Variants in CNTN6 observed in about 807,000 individuals in gnomAD.
CNTN6 encodes the protein contactin 6.
CNTN6 carries 137 observed loss-of-function variants against 122.8 expected under a neutral mutation model. The ratio of observed to expected loss-of-function variants is 1.12; its 90% CI spans 0.97 to 1.29. The LOEUF is 1.29. Ranked by LOEUF, CNTN6 falls within the 50% of genes most tolerant of loss-of-function variation. The pLI, the probability that CNTN6 is intolerant of heterozygous loss-of-function variation, is 0.00. For missense variants in CNTN6, 1,634 were observed against 1,223.4 expected (o/e 1.34, Z -5.01); for synonymous variants, 570 against 426.0 (o/e 1.34, Z -4.16).
chr3:1,377,265 C>T (rs140060084), intron 17 of CNTN6, among the ~76,000 whole-genome samples, 190 bp downstream of exon 17: 3 of 152,200 alleles, frequency 2.0e-5, no homozygotes, highest in South Asian at 2.1e-4. Flanking sequence ...GACAGTATGA[C>T]GAACTCAGCA....
intron 17 of CNTN6, among the ~76,000 whole-genome samples, chr3:1,381,666 G>A (rs996836452): frequency 6.6e-6 from 1 of 152,108 alleles, no homozygotes; most frequent in Non-Finnish European, 1.5e-5. Flanking sequence ...TTTACTTCCA[G>A]TTTTCTACCT....
At chr3:1,346,342 G>A (rs1704690295) in intron 11 of CNTN6, among the ~76,000 whole-genome samples, 1 of 152,134 alleles carries the variant, frequency 6.6e-6, no homozygotes, top group Admixed American at 6.5e-5. Context: ...GCAGTTTTGG[G>A]AGGTGGAGCC....
At chr3:1,310,856 C>T (rs757114716) in intron 7 of CNTN6, among the ~76,000 whole-genome samples, 12 of 152,146 alleles carry the variant, frequency 7.9e-5, no homozygotes, top group African/African-American at 2.9e-4. Flanking sequence ...ACAAAATCAG[C>T]TGGGTGTGGT....
At chr3:1,190,543 T>C (rs2093687013) in intron 2 of CNTN6, among the ~76,000 whole-genome samples, 1 of 152,156 alleles carries the variant, frequency 6.6e-6, no homozygotes, top group Non-Finnish European at 1.5e-5. Flanking sequence ...GAACACATTG[T>C]GATCAAATGC....
At chr3:1,295,248 A>G (rs1036698615) in intron 5 of CNTN6, among the ~76,000 whole-genome samples, 9 of 152,226 alleles carry the variant, frequency 5.9e-5, no homozygotes, top group South Asian at 2.1e-4. Context: ...TTGAAGCAGC[A>G]TAAGTTTTTC....
At chr3:1,268,167 G>C (rs549033144) in intron 4 of CNTN6, among the ~76,000 whole-genome samples, 2 of 152,310 alleles carry the variant, frequency 1.3e-5, no homozygotes, top group South Asian at 4.1e-4. Context: ...TGAGAAGCAG[G>C]GCAGCCTAGG....
At chr3:1,295,001 C>G (rs1476412397) in intron 5 of CNTN6, among the ~76,000 whole-genome samples, 2 of 152,116 alleles carry the variant, frequency 1.3e-5, no homozygotes, top group Non-Finnish European at 2.9e-5. Flanking sequence ...GCCTGTAATC[C>G]TAGCACTTTG....
At chr3:1,206,294 A>C (rs757028922) in intron 2 of CNTN6, among the ~76,000 whole-genome samples, 4 of 152,100 alleles carry the variant, frequency 2.6e-5, no homozygotes, top group Non-Finnish European at 5.9e-5. Context: ...CCAAGGAAAT[A>C]AGAGAAAAAA....
At chr3:1,288,363 G>A (rs561418423) in intron 5 of CNTN6, among the ~76,000 whole-genome samples, 13 of 152,250 alleles carry the variant, frequency 8.5e-5, no homozygotes, top group Admixed American at 2.6e-4. Context: ...GGATTACATC[G>A]TAAACTTCCT....
intron 1 of CNTN6, among the ~76,000 whole-genome samples, chr3:1,099,196 A>T (rs542645071): frequency 2.0e-5 from 3 of 152,182 alleles, no homozygotes; most frequent in South Asian, 2.1e-4. Flanking sequence ...TCACGCCTGT[A>T]ATCCCAGCAC....
chr3:1,402,432 A>C lies in CNTN6; in HGVS notation c.2932A>C (p.Ser978Arg). 1 of 1,612,428 alleles carries C rather than the reference A, an allele frequency of 6.2e-7. No individual in the cohort carries two copies. The highest frequency in any genetic ancestry group is 8.5e-7 in the Non-Finnish European group (1 of 1,178,876). The part of the protein sequence containing the change: ...EDYLIEIRTV[S>R]DGGDGSSSEE... ...CTACTTAATTGAAATAAGAACAGTCAGTGATGGTGGAGATGGAAGCAGCAG... is the reference window on the plus strand; with the variant it reads ...CTACTTAATTGAAATAAGAACAGTCCGTGATGGTGGAGATGGAAGCAGCAG... The change falls in exon 22 of 23, where the codon AGT becomes CGT. Residue 978 changes from serine (S) to arginine (R), a missense_variant. By Grantham distance (110) the Ser-to-Arg change is moderately radical (BLOSUM62 -1). Coordinates refer to ENST00000446702, the MANE Select transcript of CNTN6 (RefSeq NM_001289080.2).
chr3:1,142,212 TAA>T (rs67721626), intron 1 of CNTN6, among the ~76,000 whole-genome samples: 22 of 130,814 alleles, frequency 1.7e-4, no homozygotes, highest in Admixed American at 2.4e-4. Context: ...TTTCCATTCC[TAA>T]AAAAAAAAAA....
chr3:1,098,755 T>TGC (rs2090672645), intron 1 of CNTN6, among the ~76,000 whole-genome samples: 3 of 89,588 alleles, frequency 3.3e-5, no homozygotes, highest in East Asian at 3.0e-4. Flanking sequence ...TTGGCAGTAA[T>TGC]GCACACACAC....
intron 2 of CNTN6, among the ~76,000 whole-genome samples, chr3:1,206,940 A>G (rs2093966028): frequency 6.6e-6 from 1 of 152,098 alleles, no homozygotes; most frequent in Admixed American, 6.6e-5. Flanking sequence ...CCTCCTCACC[A>G]GTGTGATCTT....
chr3:1,291,828 A>G (rs1695379168), intron 5 of CNTN6, among the ~76,000 whole-genome samples: 1 of 152,172 alleles, frequency 6.6e-6, no homozygotes. Flanking sequence ...AAAGACTCCA[A>G]TAGAGACTTG....
intron 11 of CNTN6, among the ~76,000 whole-genome samples, chr3:1,332,517 A>AGGAAGGAAGGAAGGAGGGAG (rs1702446552): frequency 1.7e-5 from 2 of 117,884 alleles, no homozygotes; most frequent in African/African-American, 7.0e-5. Flanking sequence ...GAAGGAAGGA[A>AGGAAGGAAGGAAGGAGGGAG]GGAAGGAAGG....
intron 10 of CNTN6, 70 bp from the exon 11 acceptor site, chr3:1,329,715 C>A (rs1309711219): frequency 2.2e-5 from 29 of 1,314,898 alleles, no homozygotes; most frequent in Non-Finnish European, 2.8e-5. Context: ...TCTAGCATAG[C>A]AAGTCACCCC....
Position 1,311,562 on chromosome 3 carries a change from T to C in CNTN6, c.762-10088T>C, listed in dbSNP as rs115503748. Among the ~76,000 whole-genome samples the C allele has an allele frequency of 5.0e-4, 70 of 141,154 alleles. 6 individuals carry two copies. The highest frequency in any genetic ancestry group is 1.9e-3 in the African/African-American group (66 of 34,102). 92.6% of individuals were successfully genotyped at this position (141,154 alleles called of 152,430 possible). ...TATAAATGTCTATGTGTATATAAAA[T>C]ATCTTTATATACACATATATGTATA... On this transcript the variant is annotated intron_variant, in intron 7 of 22. Coordinates refer to ENST00000446702, the MANE Select transcript of CNTN6 (RefSeq NM_001289080.2).
At position 1,259,127 on chromosome 3, in the gene CNTN6, A is replaced by G. The variant is rs966116251; in HGVS notation, c.359-19286A>G. Among the ~76,000 whole-genome samples the G allele has an allele frequency of 2.4e-4, 37 of 152,164 alleles. 1 individual carries two copies. Among genetic ancestry groups the G allele is most frequent in the East Asian group, 1.9e-4 (1 of 5,196 alleles). On this transcript the variant is annotated intron_variant, in intron 4 of 22. Coordinates refer to ENST00000446702, the MANE Select transcript of CNTN6 (RefSeq NM_001289080.2). ...AATACTTTATAGATGTGTCCTACCA[A>G]TGATGACTGTTAACATTTATTAAGC... is the stretch of plus-strand genomic sequence containing the variant.
Sources: gnomAD v4.1 joint callset for allele counts (sites outside exome capture counted in the v4.1 genomes callset) on GRCh38, gnomAD v4.1.1 for gene constraint, MANE v1.5 for transcripts, NCBI Gene and HGNC (gene_info 2026-07-23, HGNC 2026-07-21) for gene names.